The following PPP6R3 variants were observed in gnomAD, a reference collection of about 807,000 sequenced individuals.
PPP6R3 encodes serine/threonine-protein phosphatase 6 regulatory subunit 3.
Under a neutral mutation model 110.7 loss-of-function variants are expected in PPP6R3, and 38 were observed. The observed-to-expected ratio is 0.34, with a 90% CI of 0.26 to 0.45. The LOEUF (loss-of-function observed/expected upper bound fraction) is 0.45, where lower values mean the gene tolerates loss of function less well. Ranked by LOEUF, PPP6R3 falls within the 20% of genes least tolerant of loss-of-function variation. The probability of loss-of-function intolerance (pLI) is 1.00; values close to 1 mark genes in which losing one functional copy is unlikely to be tolerated. For missense variants in PPP6R3, 870 were observed against 1,062.4 expected (o/e 0.82, Z 2.52); for synonymous variants, 369 against 373.5 (o/e 0.99, Z 0.14).
At chr11:68,492,428 C>T (rs771539504) in intron 1 of PPP6R3, among the ~76,000 whole-genome samples, 23 of 152,212 alleles carry the variant, frequency 1.5e-4, no homozygotes, top group Admixed American at 7.9e-4. Flanking sequence ...GGATTTCAGG[C>T]GTAAGCCACT....
At chr11:68,532,939 C>T (rs1049735734) in intron 2 of PPP6R3, among the ~76,000 whole-genome samples, 1 of 152,194 alleles carries the variant, frequency 6.6e-6, no homozygotes, top group Admixed American at 6.5e-5. Context: ...AGTCACCTGA[C>T]GAAGGATTTC....
At chr11:68,484,485 C>G (rs1369733787) in intron 1 of PPP6R3, among the ~76,000 whole-genome samples, 1 of 151,988 alleles carries the variant, frequency 6.6e-6, no homozygotes. Context: ...CAAATGCTTA[C>G]TTGCTGTCTG....
At chr11:68,578,330 A>G (rs558621330) in intron 14 of PPP6R3, among the ~76,000 whole-genome samples, 2 of 152,204 alleles carry the variant, frequency 1.3e-5, no homozygotes, top group African/African-American at 4.8e-5. Flanking sequence ...AGTGACATAG[A>G]AAAAGAGTGC....
intron 1 of PPP6R3, among the ~76,000 whole-genome samples, chr11:68,517,372 A>C (rs1003210283): frequency 6.6e-6 from 1 of 152,184 alleles, no homozygotes; most frequent in Non-Finnish European, 1.5e-5. Context: ...TTTGTTTGCT[A>C]TAAAAGGACA....
intron 2 of PPP6R3, among the ~76,000 whole-genome samples, chr11:68,534,233 A>C (rs1415642646): frequency 1.3e-5 from 2 of 152,186 alleles, no homozygotes; most frequent in African/African-American, 2.4e-5. Flanking sequence ...AGACTGCAGA[A>C]AGCAAAGTGG....
At position 68,537,655 on chromosome 11, in the gene PPP6R3, T is replaced by G. The variant is rs777252296; in HGVS notation, c.-6-4T>G. The G allele has an allele frequency of 7.9e-6, 12 of 1,522,898 alleles. No homozygotes were observed. The highest frequency in any genetic ancestry group is 1.1e-5 in the Non-Finnish European group (12 of 1,113,648). The allele number at this position is 1,522,898 out of a possible 1,614,324, so 94.3% of individuals were successfully genotyped here. ...TTATGAAATACTTTCTGCATTTTGT[T>G]TAGACCAGCATGTTTTGGAAATTTG... On this transcript the variant is annotated splice_region_variant and splice_polypyrimidine_tract_variant and intron_variant, in intron 2 of 23. Coordinates refer to ENST00000393800, the MANE Select transcript of PPP6R3 (RefSeq NM_001164161.2).
intron 2 of PPP6R3, among the ~76,000 whole-genome samples, chr11:68,521,326 ATTGT>A (rs959523309): frequency 6.6e-6 from 1 of 152,188 alleles, no homozygotes; most frequent in Non-Finnish European, 1.5e-5. Context: ...GGTATCATTA[ATTGT>A]TTGGTGGTAG....
intron 8 of PPP6R3, among the ~76,000 whole-genome samples, chr11:68,560,160 A>G (rs1190300998): frequency 6.6e-6 from 1 of 152,260 alleles, no homozygotes; most frequent in Non-Finnish European, 1.5e-5. Context: ...AGGTAAAGGC[A>G]GGACAAATTA....
intron 1 of PPP6R3, among the ~76,000 whole-genome samples, chr11:68,491,362 G>A (rs2153437032): frequency 6.8e-6 from 1 of 147,340 alleles, no homozygotes; most frequent in East Asian, 1.9e-4. Context: ...GTGTGTGTGT[G>A]TGTGTGTGTG....
Position 68,554,199 on chromosome 11 carries a change from C to G in PPP6R3, c.673C>G (p.Gln225Glu). The change falls in exon 7 of 24, where the codon CAG becomes GAG. Residue 225 changes from glutamine (Q) to glutamate (E), a missense_variant. Coordinates refer to ENST00000393800, the MANE Select transcript of PPP6R3 (RefSeq NM_001164161.2). ...LCEIVRLSRDQMLQIQNSTEP... is the reference protein window; with the variant it reads ...LCEIVRLSRDEMLQIQNSTEP... ...TGAAATTGTTCGCCTGAGCAGAGAC[C>G]AGATGTTACAAATTCAGAACAGTAC... The G allele has an allele frequency of 6.2e-7, 1 of 1,613,850 alleles. No homozygotes were observed. Among genetic ancestry groups the G allele is most frequent in the South Asian group, 1.1e-5 (1 of 91,014 alleles).
intron 1 of PPP6R3, among the ~76,000 whole-genome samples, chr11:68,464,835 T>C (rs1290807662): frequency 6.6e-6 from 1 of 152,032 alleles, no homozygotes; most frequent in Non-Finnish European, 1.5e-5. Flanking sequence ...TCTTTTGCCC[T>C]CCTTTTGTCA....
In PPP6R3 at chr11:68,477,741, A is replaced by AATATATATATATATATATATAT. The variant is rs1179617745; in HGVS notation, c.-158+16924_-158+16945dup. On this transcript the variant is annotated intron_variant, in intron 1 of 23. Transcript: ENST00000393800. Reference sequence around the variant, plus strand: ...GACATTGTCTCTTAAAAAAAAAAAAAATATATATATATATATATATATATA... The same window carrying AATATATATATATATATATATAT: ...GACATTGTCTCTTAAAAAAAAAAAAAATATATATATATATATATATATATATATATATATATATATATATATA... 3.8e-4 allele frequency among the ~76,000 whole-genome samples: 22 copies of AATATATATATATATATATATAT among 57,894 alleles called. 1 individual carries two copies. The highest frequency in any genetic ancestry group is 5.7e-4 in the African/African-American group (8 of 14,022). The allele number at this position is 57,894 out of a possible 152,430, so 38.0% of individuals were successfully genotyped here. A position where few individuals can be genotyped will look rare whatever the true frequency, so the allele number is the denominator to read the frequency against.
At position 68,610,028 on chromosome 11, in the gene PPP6R3, C is replaced by A. The variant is rs772037914; in HGVS notation, c.2570+5C>A. 1.2e-6 allele frequency: 2 copies of A among 1,613,090 alleles called. No homozygotes were observed. Among genetic ancestry groups the A allele is most frequent in the Non-Finnish European group, 1.7e-6 (2 of 1,179,814 alleles). On this transcript the variant is annotated splice_donor_5th_base_variant and intron_variant, in intron 23 of 23. Coordinates refer to ENST00000393800, the MANE Select transcript of PPP6R3 (RefSeq NM_001164161.2). Reference sequence around the variant, plus strand: ...CAGCAGCAGTCCCGAGCAGAGGTAACCACCCGCCTCCTCAAACCCACCCAG... The same window carrying A: ...CAGCAGCAGTCCCGAGCAGAGGTAAACACCCGCCTCCTCAAACCCACCCAG...
chr11:68,543,158 C>T (rs886304451), intron 3 of PPP6R3, among the ~76,000 whole-genome samples: 4 of 152,208 alleles, frequency 2.6e-5, no homozygotes, highest in African/African-American at 7.2e-5. Context: ...ATCTTACTAA[C>T]TTGGAAACTG....
intron 2 of PPP6R3, among the ~76,000 whole-genome samples, chr11:68,522,040 T>A (rs563518984): frequency 1.3e-5 from 2 of 152,372 alleles, no homozygotes; most frequent in African/African-American, 4.8e-5. Context: ...TCCCCAAGCA[T>A]ATTACTTCAG....
chr11:68,474,146 G>A (rs1358071789), intron 1 of PPP6R3, among the ~76,000 whole-genome samples: 1 of 151,748 alleles, frequency 6.6e-6, no homozygotes, highest in Non-Finnish European at 1.5e-5. Context: ...CTGGGCTCAA[G>A]GAATCCTCTC....
chr11:68,461,531 C>T (rs2098707805), intron 1 of PPP6R3, among the ~76,000 whole-genome samples: 1 of 151,922 alleles, frequency 6.6e-6, no homozygotes, highest in South Asian at 2.1e-4. Flanking sequence ...GCTTGAAGTC[C>T]CTCCCTCTTA....
At chr11:68,527,701 C>T (rs1284274261) in intron 2 of PPP6R3, among the ~76,000 whole-genome samples, 1 of 152,258 alleles carries the variant, frequency 6.6e-6, no homozygotes, top group African/African-American at 2.4e-5. Flanking sequence ...TTAAAACTCA[C>T]TGGATCTGTC....
At chr11:68,538,304 G>T (rs2099281342) in intron 3 of PPP6R3, among the ~76,000 whole-genome samples, 2 of 152,158 alleles carry the variant, frequency 1.3e-5, no homozygotes, top group Admixed American at 1.3e-4. Flanking sequence ...TTCATTCACT[G>T]AAAGTAAAGG....
Sources: allele counts gnomAD v4.1 joint callset (sites outside exome capture counted in the v4.1 genomes callset), GRCh38; gene constraint gnomAD v4.1.1; transcripts MANE v1.5; gene names NCBI Gene and HGNC (gene_info 2026-07-23, HGNC 2026-07-21).